FERMT1: variants seen among roughly 807,000 people sequenced by gnomAD.
The protein encoded by FERMT1 is FERM domain containing kindlin 1.
FERMT1 carries 60 observed loss-of-function variants against 85.3 expected under a neutral mutation model. The ratio of observed to expected loss-of-function variants is 0.70; its 90% CI spans 0.57 to 0.87. The LOEUF is 0.87. Ranked by LOEUF, FERMT1 falls within the 40% of genes least tolerant of loss-of-function variation. FERMT1 has a pLI of 0.00. For missense variants in FERMT1, 701 were observed against 818.9 expected (o/e 0.86, Z 1.76); for synonymous variants, 275 against 301.1 (o/e 0.91, Z 0.90).
intron 6 of FERMT1, among the ~76,000 whole-genome samples, chr20:6,099,744 C>T (rs1982608078): frequency 6.6e-6 from 1 of 151,030 alleles, no homozygotes. Flanking sequence ...GTCACTAGTC[C>T]CAGCGACTTG....
rs368803013 is a variant in FERMT1, at chr20:6,076,118, C to G, written c.*1055G>C. 3.9e-4 allele frequency: 78 copies of G among 198,466 alleles called. 1 individual carries two copies. Among genetic ancestry groups the G allele is most frequent in the African/African-American group, 1.5e-3 (64 of 42,772 alleles). The allele number at this position is 198,466 out of a possible 1,614,324, so 12.3% of individuals were successfully genotyped here. On this transcript the variant is annotated 3_prime_UTR_variant, in exon 15 of 15. Coordinates refer to ENST00000217289, the MANE Select transcript of FERMT1 (RefSeq NM_017671.5). Reference sequence around the variant, plus strand: ...AGTCGTACCAACATAGATACCAAATCCAGGAGAACACAGACCAGCGATAAG... The same window carrying G: ...AGTCGTACCAACATAGATACCAAATGCAGGAGAACACAGACCAGCGATAAG...
At chr20:6,106,305 T>C (rs1452106765) in intron 6 of FERMT1, among the ~76,000 whole-genome samples, 1 of 152,104 alleles carries the variant, frequency 6.6e-6, no homozygotes, top group East Asian at 1.9e-4. Context: ...GTTTTGAAGA[T>C]GGCAGTTGGG....
At chr20:6,089,565 C>T (rs922284774) in intron 9 of FERMT1, among the ~76,000 whole-genome samples, 1 of 152,128 alleles carries the variant, frequency 6.6e-6, no homozygotes, top group East Asian at 1.9e-4. Flanking sequence ...AAAAAGCTGT[C>T]GATATGGACA....
Position 6,096,914 on chromosome 20 carries a change from C to T in FERMT1, c.1077G>A (p.Ala359=), listed in dbSNP as rs34569233. 6.8e-5 allele frequency: 110 copies of T among 1,613,156 alleles called. 1 individual carries two copies. Among genetic ancestry groups the T allele is most frequent in the African/African-American group, 4.5e-4 (34 of 74,882 alleles). Residue 359 remains alanine (A), a synonymous_variant, in exon 8 of 15, where the codon GCG becomes GCA. Coordinates refer to ENST00000217289, the MANE Select transcript of FERMT1 (RefSeq NM_017671.5). ...AAAAAGTTCATACCAAAAGGCTGTCCGCTTTTCCACCTTCTAGGGTTACTT... is the reference window on the plus strand; with the variant it reads ...AAAAAGTTCATACCAAAAGGCTGTCTGCTTTTCCACCTTCTAGGGTTACTT... ...NLEVTLEGGK[A]DSLLEDITDI...
At chr20:6,106,432 C>A (rs1457023539) in intron 6 of FERMT1, among the ~76,000 whole-genome samples, 2 of 151,524 alleles carry the variant, frequency 1.3e-5, no homozygotes, top group Admixed American at 6.6e-5. Flanking sequence ...AGGGTCTGTA[C>A]AGAAAGGCTG....
chr20:6,114,834 C>A (rs1217711505), intron 3 of FERMT1, among the ~76,000 whole-genome samples: 1 of 152,136 alleles, frequency 6.6e-6, no homozygotes, highest in East Asian at 1.9e-4. Context: ...TTTTGGGGTA[C>A]TATCCATCCC....
intron 3 of FERMT1, among the ~76,000 whole-genome samples, chr20:6,115,040 T>C (rs1243043771): frequency 6.6e-6 from 1 of 152,132 alleles, no homozygotes; most frequent in Non-Finnish European, 1.5e-5. Context: ...TCAATAAATA[T>C]TTGCTGAATG....
In FERMT1 at chr20:6,107,556, A is replaced by T; in HGVS notation, c.825T>A (p.Tyr275Ter). ...CTTTAGGATTCAAGTCGAAGAAAGA[A>T]TAATATTTAAATCGTAAGAGCAGCT... ...DEQLLLRFKYYSFFDLNPKYD... is the reference protein window; with the variant it reads ...DEQLLLRFKY The change falls in exon 6 of 15, where the codon TAT (tyrosine) becomes TAA (stop). Residue 275 changes from tyrosine to a stop codon, truncating the protein, a stop_gained. Transcript: ENST00000217289. LOFTEE classifies it high-confidence loss of function. 1 of 1,611,890 alleles carries T rather than the reference A, an allele frequency of 6.2e-7. No homozygotes were observed. The highest frequency in any genetic ancestry group is 8.5e-7 in the Non-Finnish European group (1 of 1,178,258).
In FERMT1 at chr20:6,115,757, CT is replaced by C. The variant is rs960660914; in HGVS notation, c.385+53del. On this transcript the variant is annotated intron_variant, in intron 3 of 14. Transcript: ENST00000217289. ...TAGGCAGAATGCACACATAATTTTC[CT>C]GTCTAGCTTTGCAAGAGTCTACAGG... 6.7e-5 allele frequency: 88 copies of C among 1,316,838 alleles called. 1 individual carries two copies. In the African/African-American group the frequency reaches 9.7e-4, roughly 14 times the overall value. 81.6% of individuals were successfully genotyped at this position (1,316,838 alleles called of 1,614,324 possible). A position where few individuals can be genotyped will look rare whatever the true frequency, so the allele number is the denominator to read the frequency against.
At chr20:6,093,348 T>TTTTG (rs1352856151) in intron 9 of FERMT1, among the ~76,000 whole-genome samples, 2 of 152,128 alleles carry the variant, frequency 1.3e-5, no homozygotes, top group Non-Finnish European at 2.9e-5. Flanking sequence ...ACTGGCCAAA[T>TTTTG]ATGAGGGCAA....
At chr20:6,078,560 G>A (rs1252473065) in intron 14 of FERMT1, among the ~76,000 whole-genome samples, 1 of 151,724 alleles carries the variant, frequency 6.6e-6, no homozygotes, top group African/African-American at 2.4e-5. Flanking sequence ...CTGTAACCTC[G>A]AACCTCAACT....
chr20:6,106,670 G>C (rs1838902463), intron 6 of FERMT1, among the ~76,000 whole-genome samples: 1 of 152,188 alleles, frequency 6.6e-6, no homozygotes, highest in Admixed American at 6.5e-5. Context: ...CCCCTCATTT[G>C]TTATTCTAAT....
At chr20:6,082,061 A>C (rs565521555) in intron 13 of FERMT1, among the ~76,000 whole-genome samples, 40 of 152,276 alleles carry the variant, frequency 2.6e-4, no homozygotes, top group African/African-American at 9.4e-4. Context: ...GACATCCTAC[A>C]CACAGCATGG....
chr20:6,097,589 A>G lies in FERMT1; in HGVS notation c.892T>C (p.Trp298Arg). The G allele has an allele frequency of 6.2e-7, 1 of 1,614,098 alleles. No individual in the cohort carries two copies. Among genetic ancestry groups the G allele is most frequent in the African/African-American group, 1.3e-5 (1 of 75,036 alleles). ...RINQLYEQAR[W>R]AILLEEIDCT... ...TCAATTTCTTCTAAGAGAATGGCCC[A>G]CCTGGCTTGCTCATAGAGTTGGTTT... is the stretch of plus-strand genomic sequence containing the variant. The change falls in exon 7 of 15, where the codon TGG becomes CGG. Residue 298 changes from tryptophan (W) to arginine (R), a missense_variant. Coordinates refer to ENST00000217289, the MANE Select transcript of FERMT1 (RefSeq NM_017671.5).
rs2232074 is a variant in FERMT1 at position 6,085,082 on chromosome 20, C to T, written c.1577G>A (p.Arg526Lys). The change falls in exon 12 of 15, where the codon AGA becomes AAA. Residue 526 changes from arginine to lysine, a missense_variant. Coordinates refer to ENST00000217289, the MANE Select transcript of FERMT1 (RefSeq NM_017671.5). ...ECFVSPRCAK[R>K]HKSKQLAARI... ...TAACAGTACCTGTTTGGATTTGTGT[C>T]TTTTTGCACACCGTGGTGACACAAA... The T allele has an allele frequency of 0.39, 621,063 of 1,611,632 alleles. 123,094 individuals carry two copies. Among genetic ancestry groups the T allele is most frequent in the East Asian group, 0.65 (28,973 of 44,814 alleles).
chr20:6,098,974 G>A (rs1982580990), intron 6 of FERMT1, among the ~76,000 whole-genome samples: 1 of 152,298 alleles, frequency 6.6e-6, no homozygotes. Context: ...CAAACTGAAA[G>A]TGGCATCCAA....
intron 13 of FERMT1, among the ~76,000 whole-genome samples, chr20:6,083,725 A>G (rs1440380513): frequency 6.6e-6 from 1 of 151,652 alleles, no homozygotes; most frequent in African/African-American, 2.4e-5. Context: ...AAAAACCGAA[A>G]AGAAGTTACA....
rs200749926 is a variant in FERMT1, at chr20:6,083,661, C to CA, written c.1718+378_1718+379insT. Among the ~76,000 whole-genome samples the CA allele has an allele frequency of 4.9e-4, 61 of 125,492 alleles. 2 individuals carry two copies. Among genetic ancestry groups the CA allele is most frequent in the African/African-American group, 5.0e-4 (16 of 31,732 alleles). The allele number at this position is 125,492 out of a possible 152,430, so 82.3% of individuals were successfully genotyped here. ...CTGGGCGGCAAAATGAGACACCCCCCCCCCCGGCCACCCTCCCCACACCCG... is the reference window on the plus strand; with the variant it reads ...CTGGGCGGCAAAATGAGACACCCCCCACCCCCGGCCACCCTCCCCACACCCG... On this transcript the variant is annotated intron_variant, in intron 13 of 14. Transcript: ENST00000217289.
chr20:6,113,426 CT>C (rs1284122308), intron 3 of FERMT1, among the ~76,000 whole-genome samples: 1 of 152,152 alleles, frequency 6.6e-6, no homozygotes, highest in East Asian at 1.9e-4. Flanking sequence ...AAAGGTCCTG[CT>C]TCCTTTTTTC....
Sources: allele counts gnomAD v4.1 joint callset (sites outside exome capture counted in the v4.1 genomes callset), GRCh38; gene constraint gnomAD v4.1.1; transcripts MANE v1.5; gene names NCBI Gene and HGNC (gene_info 2026-07-23, HGNC 2026-07-21).